PODXL2: variants seen among roughly 807,000 people sequenced by gnomAD.
The protein encoded by PODXL2 is podocalyxin like 2.
Under a neutral mutation model 53.4 loss-of-function variants are expected in PODXL2, and 17 were observed. The ratio of observed to expected loss-of-function variants is 0.32; its 90% CI spans 0.22 to 0.48. The LOEUF (loss-of-function observed/expected upper bound fraction) is 0.48. Ranked by LOEUF, PODXL2 falls within the 20% of genes least tolerant of loss-of-function variation. The pLI is 0.99. For synonymous variants in PODXL2, 311 were observed against 306.7 expected, an observed-to-expected ratio of 1.01 and a Z score of -0.15; for missense variants, 673 against 760.0, an observed-to-expected ratio of 0.89 and a Z score of 1.35.
rs2074765235 is a variant in PODXL2 at position 127,661,128 on chromosome 3, C to G, written c.1100C>G (p.Ala367Gly). 6.2e-7 allele frequency: 1 copy of G among 1,614,088 alleles called. No homozygotes were observed. Among genetic ancestry groups the G allele is most frequent in the South Asian group, 1.1e-5 (1 of 91,088 alleles). ...QQLLEGQAAE[A>G]QSRIPWDSTQ... Reference sequence around the variant, plus strand: ...CTCCTAGAAGGGCAGGCAGCTGAAGCTCAATCCAGGATACCCTGGGATTCT... The same window carrying G: ...CTCCTAGAAGGGCAGGCAGCTGAAGGTCAATCCAGGATACCCTGGGATTCT... The change falls in exon 3 of 8, where the codon GCT becomes GGT. Residue 367 changes from alanine to glycine, a missense_variant. Transcript: ENST00000342480.
intron 5 of PODXL2, 104 bp from the exon 6 acceptor site, chr3:127,669,037 G>C: frequency 1.5e-6 from 1 of 684,272 alleles, no homozygotes; most frequent in East Asian, 3.0e-5. Flanking sequence ...GCCAGGAAGG[G>C]AGACAGAGGC....
intron 5 of PODXL2, 39 bp downstream of exon 5, chr3:127,668,636 G>C (rs1206048227): frequency 6.8e-7 from 1 of 1,462,916 alleles, no homozygotes; most frequent in Admixed American, 2.6e-5. Context: ...CAGGAGGGCA[G>C]TGGGAGGCGG....
In PODXL2 at chr3:127,672,409, T is replaced by C; in HGVS notation, c.1747T>C (p.Trp583Arg). ...GGGALNGPGS[W>R]GALMGGKRDP... Reference sequence around the variant, plus strand: ...CGGGGCCCTCAACGGCCCGGGGAGCTGGGGGGCGCTCATGGGGGGCAAGCG... The same window carrying C: ...CGGGGCCCTCAACGGCCCGGGGAGCCGGGGGGCGCTCATGGGGGGCAAGCG... Residue 583 changes from tryptophan (W) to arginine (R), a missense_variant, in exon 8 of 8, where the codon TGG (tryptophan) becomes CGG (arginine). This residue lies in a region of PODXL2 where 79 missense variants were observed against 70.5 expected (regional missense o/e 1.12). Transcript: ENST00000342480. 1 of 1,542,608 alleles carries C rather than the reference T, an allele frequency of 6.5e-7. No individual in the cohort carries two copies. The highest frequency in any genetic ancestry group is 8.7e-7 in the Non-Finnish European group (1 of 1,145,638).
chr3:127,634,974 A>G (rs1374968680), intron 1 of PODXL2, among the ~76,000 whole-genome samples: 1 of 152,110 alleles, frequency 6.6e-6, no homozygotes, highest in Non-Finnish European at 1.5e-5. Context: ...TGAGGACTGT[A>G]ATTCTAATGG....
rs1445493779 is a variant in PODXL2 at position 127,629,262 on chromosome 3, T to TCGCCGCTGCTGC, written c.44_55dup (p.Leu18_Leu19insProProLeuLeu). On this transcript the variant is annotated inframe_insertion, in exon 1 of 8. Transcript: ENST00000342480. This position sits in a 1 kb window ranked among gnomAD's most constrained non-coding sequence, Gnocchi z 6.4. ...GGCCGCCCGGCTGCCGCCGCTGCTT[T>TCGCCGCTGCTGC]CGCCGCTGCTGCTTCTGCTGGTTGG... 17 of 1,013,222 alleles carry TCGCCGCTGCTGC rather than the reference T, an allele frequency of 1.7e-5. No individual in the cohort carries two copies. The highest frequency in any genetic ancestry group is 2.0e-5 in the Non-Finnish European group (17 of 848,534). 62.8% of individuals were successfully genotyped at this position (1,013,222 alleles called of 1,614,324 possible). A position where few individuals can be genotyped will look rare whatever the true frequency, so the allele number is the denominator to read the frequency against.
At position 127,672,758 on chromosome 3, in the gene PODXL2, C is replaced by T; in HGVS notation, c.*278C>T. On this transcript the variant is annotated 3_prime_UTR_variant, in exon 8 of 8. Coordinates refer to ENST00000342480, the MANE Select transcript of PODXL2 (RefSeq NM_015720.4). ...GGCGGCGGGCGGCGCTTCCTGCGCC[C>T]CGGGACTCAATTAAACCCGCCCGGA... 5.0e-6 allele frequency: 2 copies of T among 399,272 alleles called. No individual in the cohort carries two copies. Among genetic ancestry groups the T allele is most frequent in the South Asian group, 7.3e-5 (1 of 13,626 alleles). 24.7% of individuals were successfully genotyped at this position (399,272 alleles called of 1,614,324 possible).
chr3:127,650,144 C>T (rs2074679540), intron 2 of PODXL2, among the ~76,000 whole-genome samples: 1 of 152,154 alleles, frequency 6.6e-6, no homozygotes, highest in South Asian at 2.1e-4. Context: ...GGCCCTTATG[C>T]CTGTTTTAAT....
At chr3:127,655,689 G>A (rs931716231) in intron 2 of PODXL2, among the ~76,000 whole-genome samples, 20 of 152,234 alleles carry the variant, frequency 1.3e-4, no homozygotes, top group African/African-American at 4.8e-4. Flanking sequence ...CTTGAGAGCT[G>A]GTAAGGAAGT....
At position 127,668,627 on chromosome 3, in the gene PODXL2, A is replaced by G. The variant is rs2074810968; in HGVS notation, c.1363+30A>G. ...GCGAGGGCAGGTGATGGGAGGGCCC[A>G]GGAGGGCAGTGGGAGGCGGGCGGCC... On this transcript the variant is annotated intron_variant, in intron 5 of 7. Coordinates refer to ENST00000342480, the MANE Select transcript of PODXL2 (RefSeq NM_015720.4). 2.7e-6 allele frequency: 4 copies of G among 1,481,382 alleles called. No homozygotes were observed. The East Asian group carries it at 7.4e-5, about 28-fold the overall frequency. The allele number at this position is 1,481,382 out of a possible 1,614,324, so 91.8% of individuals were successfully genotyped here.
chr3:127,647,956 G>C (rs1209680161), intron 2 of PODXL2, among the ~76,000 whole-genome samples: 1 of 152,162 alleles, frequency 6.6e-6, no homozygotes, highest in Non-Finnish European at 1.5e-5. Context: ...CAGAAAGAGA[G>C]CATGAGACAA....
chr3:127,662,206 CTG>C lies in PODXL2; in HGVS notation c.1132-29_1132-28del, dbSNP rs763606651. The C allele has an allele frequency of 2.7e-5, 43 of 1,597,554 alleles. No individual in the cohort carries two copies. In the Middle Eastern group the frequency reaches 5.0e-4, roughly 18 times the overall value. On this transcript the variant is annotated intron_variant, in intron 3 of 7. Coordinates refer to ENST00000342480, the MANE Select transcript of PODXL2 (RefSeq NM_015720.4). ...CTGTCCCTTTCCTATGCCTTCGTAACTGTCGCCCTTCTTTCTGTCTCCTCGCA... is the reference window on the plus strand; with the variant it reads ...CTGTCCCTTTCCTATGCCTTCGTAACTCGCCCTTCTTTCTGTCTCCTCGCA...
chr3:127,632,332 C>G (rs1278785208), intron 1 of PODXL2, among the ~76,000 whole-genome samples: 1 of 152,182 alleles, frequency 6.6e-6, no homozygotes, highest in Non-Finnish European at 1.5e-5. Flanking sequence ...GAGAGAGTGC[C>G]AAGGTTTGAG....
chr3:127,629,634 G>A lies in PODXL2; in HGVS notation c.70+345G>A, dbSNP rs1457316228. Among the ~76,000 whole-genome samples the A allele has an allele frequency of 2.0e-5, 3 of 152,106 alleles. No homozygotes were observed. The highest frequency in any genetic ancestry group is 7.2e-5 in the African/African-American group (3 of 41,434). Reference sequence around the variant, plus strand: ...TGTGGGTGTGCATGTGTGTGCGTGTGCTTGTGTGTGTGCGAGTGCATTGTG... The same window carrying A: ...TGTGGGTGTGCATGTGTGTGCGTGTACTTGTGTGTGTGCGAGTGCATTGTG... On this transcript the variant is annotated intron_variant, in intron 1 of 7. Transcript: ENST00000342480. This position sits in a 1 kb window ranked among gnomAD's most constrained non-coding sequence, Gnocchi z 6.4.
At chr3:127,652,562 T>C (rs755422151) in intron 2 of PODXL2, among the ~76,000 whole-genome samples, 3 of 152,160 alleles carry the variant, frequency 2.0e-5, no homozygotes, top group Non-Finnish European at 4.4e-5. Context: ...CCTGGAGGGC[T>C]TGAGCCTTGG....
At chr3:127,664,792 G>A (rs1303832999) in intron 4 of PODXL2, among the ~76,000 whole-genome samples, 1 of 151,886 alleles carries the variant, frequency 6.6e-6, no homozygotes, top group East Asian at 1.9e-4. Flanking sequence ...AACCTAAATG[G>A]TCTCATTGTG....
intron 2 of PODXL2, among the ~76,000 whole-genome samples, chr3:127,655,111 T>C (rs1424184179): frequency 1.3e-5 from 2 of 151,826 alleles, no homozygotes; most frequent in Non-Finnish European, 2.9e-5. Flanking sequence ...CCTGGCTGAT[T>C]TTTGTATTTT....
intron 1 of PODXL2, 39 bp from the exon 2 acceptor site, chr3:127,639,206 C>T (rs191597362): frequency 1.3e-6 from 2 of 1,538,852 alleles, no homozygotes; most frequent in East Asian, 4.5e-5. Context: ...TGTGTCTTCT[C>T]TAGCCTCCCC....
At chr3:127,647,977 C>T (rs146615395) in intron 2 of PODXL2, among the ~76,000 whole-genome samples, 6 of 152,284 alleles carry the variant, frequency 3.9e-5, no homozygotes, top group African/African-American at 1.4e-4. Flanking sequence ...CAGTACTGTG[C>T]TTGAGTAGGG....
chr3:127,670,636 G>C (rs778507821), intron 6 of PODXL2, among the ~76,000 whole-genome samples: 1 of 152,198 alleles, frequency 6.6e-6, no homozygotes, highest in Non-Finnish European at 1.5e-5. Context: ...AGAAACCGGG[G>C]AAGAGCTGCA....
Sources: allele counts gnomAD v4.1 joint callset (sites outside exome capture counted in the v4.1 genomes callset), GRCh38; gene constraint gnomAD v4.1.1; regional missense constraint gnomAD v4.1.1; non-coding constraint Gnocchi (gnomAD v3.1); transcripts MANE v1.5; gene names NCBI Gene and HGNC (gene_info 2026-07-23, HGNC 2026-07-21).